The following APBA1 variants were observed in gnomAD, a reference collection of about 807,000 sequenced individuals.
APBA1 encodes amyloid-beta A4 precursor protein-binding family A member 1.
Under a neutral mutation model 86.6 loss-of-function variants are expected in APBA1, and 55 were observed. That is an observed-to-expected ratio of 0.64 (90% CI 0.51 to 0.80). APBA1 has a LOEUF of 0.80. APBA1 is among the 30% of genes least tolerant of loss of function. The pLI, the probability that APBA1 is intolerant of heterozygous loss-of-function variation, is 0.00. For missense variants in APBA1, 1,090 were observed against 1,183.0 expected (o/e 0.92, Z 1.15); for synonymous variants, 511 against 493.9 (o/e 1.03, Z -0.46).
intron 2 of APBA1, chr9:69,494,509 T>C (rs1835764507): frequency 6.6e-6 from 1 of 152,080 alleles, no homozygotes; most frequent in Non-Finnish European, 1.5e-5. Flanking sequence ...AATAACCAAT[T>C]AACTACACCA....
At chr9:69,598,318 G>A (rs1822274431) in intron 1 of APBA1, among the ~76,000 whole-genome samples, 1 of 152,082 alleles carries the variant, frequency 6.6e-6, no homozygotes, top group Admixed American at 6.5e-5. Flanking sequence ...AGCATTGGGA[G>A]ATATACCTAA....
intron 2 of APBA1, among the ~76,000 whole-genome samples, chr9:69,482,367 A>G: frequency 6.6e-6 from 1 of 151,870 alleles, no homozygotes; most frequent in Non-Finnish European, 1.5e-5. Flanking sequence ...AAAACACATG[A>G]AAAAATGCTC....
At chr9:69,668,048 C>T (rs1823875636) in intron 1 of APBA1, among the ~76,000 whole-genome samples, 1 of 152,094 alleles carries the variant, frequency 6.6e-6, no homozygotes, top group Admixed American at 6.6e-5. Context: ...TAACGTGGTT[C>T]CTGTCCTCTT....
At chr9:69,553,906 C>G (rs1836824278) in intron 1 of APBA1, among the ~76,000 whole-genome samples, 1 of 152,128 alleles carries the variant, frequency 6.6e-6, no homozygotes, top group Admixed American at 6.5e-5. Flanking sequence ...TGGACTGAAT[C>G]TTATATGGTC....
intron 1 of APBA1, among the ~76,000 whole-genome samples, chr9:69,602,223 T>C (rs1011223709): frequency 6.6e-6 from 1 of 152,104 alleles, no homozygotes; most frequent in Non-Finnish European, 1.5e-5. Flanking sequence ...GATCACATGG[T>C]TTTGCAACCA....
At chr9:69,652,274 A>T (rs1009235807) in intron 1 of APBA1, among the ~76,000 whole-genome samples, 1 of 152,228 alleles carries the variant, frequency 6.6e-6, no homozygotes, top group South Asian at 2.1e-4. Flanking sequence ...AAACTTCAGG[A>T]ACTAGACACA....
intron 1 of APBA1, among the ~76,000 whole-genome samples, chr9:69,614,574 C>T (rs1822665115): frequency 6.6e-6 from 1 of 152,118 alleles, no homozygotes; most frequent in Non-Finnish European, 1.5e-5. Flanking sequence ...TAATAAACTT[C>T]CATCAGATTT....
chr9:69,656,785 TG>T (rs1433480644), intron 1 of APBA1, among the ~76,000 whole-genome samples: 1 of 152,186 alleles, frequency 6.6e-6, no homozygotes, highest in Non-Finnish European at 1.5e-5. Context: ...TCACATTGGA[TG>T]TATTATGTGA....
intron 2 of APBA1, among the ~76,000 whole-genome samples, chr9:69,514,537 C>T (rs1478551499): frequency 6.8e-6 from 1 of 147,956 alleles, no homozygotes; most frequent in East Asian, 2.0e-4. Context: ...TGCAGTGAGC[C>T]GAGATCACAC....
chr9:69,586,292 C>A (rs1317268485), intron 1 of APBA1, among the ~76,000 whole-genome samples: 2 of 152,226 alleles, frequency 1.3e-5, no homozygotes, highest in Non-Finnish European at 2.9e-5. Flanking sequence ...AGAATCAGAT[C>A]TCCCTATATT....
intron 1 of APBA1, among the ~76,000 whole-genome samples, chr9:69,517,685 C>T (rs1836190659): frequency 6.6e-6 from 1 of 152,174 alleles, no homozygotes; most frequent in Admixed American, 6.5e-5. Context: ...CTTTAGAAAT[C>T]ACTCTTTACA....
At chr9:69,449,231 T>C (rs962591281) in intron 10 of APBA1, among the ~76,000 whole-genome samples, 11 of 152,190 alleles carry the variant, frequency 7.2e-5, no homozygotes, top group Admixed American at 6.5e-4. Flanking sequence ...TGGCTGACTA[T>C]AAGTGACTGT....
chr9:69,663,787 T>C (rs10780551), intron 1 of APBA1, among the ~76,000 whole-genome samples: 94,909 of 152,022 alleles, frequency 0.62, 33,748 homozygotes, highest in East Asian at 0.96. Context: ...TTTGCCACCA[T>C]ACCTTGACAA....
chr9:69,569,103 C>T (rs80094540), intron 1 of APBA1, among the ~76,000 whole-genome samples: 2,117 of 152,222 alleles, frequency 0.014, 57 homozygotes, highest in African/African-American at 0.047. Context: ...AACAGGCATC[C>T]GCTAGGGTTT....
chr9:69,469,280 TCCTC>T (rs1835329326), intron 4 of APBA1, among the ~76,000 whole-genome samples: 1 of 152,354 alleles, frequency 6.6e-6, no homozygotes, highest in African/African-American at 2.4e-5. Context: ...ATTTGCTTTT[TCCTC>T]TTGGAAGGCT....
At chr9:69,625,769 G>A (rs979368616) in intron 1 of APBA1, among the ~76,000 whole-genome samples, 1 of 152,074 alleles carries the variant, frequency 6.6e-6, no homozygotes, top group Non-Finnish European at 1.5e-5. Flanking sequence ...ATATTCCAAC[G>A]ACTTTAAGAG....
intron 1 of APBA1, among the ~76,000 whole-genome samples, chr9:69,519,992 T>A (rs904105695): frequency 5.9e-5 from 9 of 152,292 alleles, no homozygotes; most frequent in Middle Eastern, 3.4e-3. Flanking sequence ...ATCTTTTTGT[T>A]CACTAAGTAC....
At chr9:69,635,742 GA>G (rs1162150687) in intron 1 of APBA1, among the ~76,000 whole-genome samples, 1 of 152,096 alleles carries the variant, frequency 6.6e-6, no homozygotes, top group Admixed American at 6.5e-5. Flanking sequence ...ACTGTAAGAG[GA>G]AACAAAGGTC....
Position 69,427,568 on chromosome 9 carries a change from C to CTT in APBA1, c.*3757_*3758dup, listed in dbSNP as rs1005378334. 7 of 152,034 alleles carry CTT rather than the reference C, an allele frequency of 4.6e-5. No individual in the cohort carries two copies. The highest frequency in any genetic ancestry group is 3.3e-4 in the Admixed American group (5 of 15,262). 9.4% of individuals were successfully genotyped at this position (152,034 alleles called of 1,614,324 possible). On this transcript the variant is annotated 3_prime_UTR_variant, in exon 13 of 13. Transcript: ENST00000265381. ...GTTCTTGTTTATTGTTGCAGCAACT[C>CTT]TTATACAGACATTAGCGTTCAGTTA... is the stretch of plus-strand genomic sequence containing the variant.
Sources: gnomAD v4.1 joint callset for allele counts (sites outside exome capture counted in the v4.1 genomes callset) on GRCh38, gnomAD v4.1.1 for gene constraint, MANE v1.5 for transcripts, NCBI Gene and HGNC (gene_info 2026-07-23, HGNC 2026-07-21) for gene names.